KCNIP4: variants seen among roughly 807,000 people sequenced by gnomAD.
KCNIP4 encodes the protein Kv channel-interacting protein 4.
Under a neutral mutation model 34.0 loss-of-function variants are expected in KCNIP4, and 12 were observed. The ratio of observed to expected loss-of-function variants is 0.35; its 90% CI spans 0.23 to 0.57. The LOEUF is 0.57. Ranked by LOEUF, KCNIP4 falls within the 20% of genes least tolerant of loss-of-function variation. The pLI is 0.83. For missense variants in KCNIP4, 238 were observed against 311.7 expected (o/e 0.76, Z 1.78); for synonymous variants, 124 against 102.2 (o/e 1.21, Z -1.29).
At chr4:21,387,980 A>G (rs1722184186) in intron 1 of KCNIP4, among the ~76,000 whole-genome samples, 1 of 151,816 alleles carries the variant, frequency 6.6e-6, no homozygotes, top group South Asian at 2.1e-4. Context: ...GAATGAGTGG[A>G]GAGCAATAGA....
At chr4:21,422,221 A>T (rs1577335909) in intron 1 of KCNIP4, among the ~76,000 whole-genome samples, 1 of 144,786 alleles carries the variant, frequency 6.9e-6, no homozygotes, top group Admixed American at 7.1e-5. Context: ...TTTGAGACGG[A>T]GTCTCGCTTT....
At chr4:21,898,346 C>T (rs1727516936) in intron 1 of KCNIP4, among the ~76,000 whole-genome samples, 1 of 152,084 alleles carries the variant, frequency 6.6e-6, no homozygotes, top group Non-Finnish European at 1.5e-5. Context: ...TTCCCCAACC[C>T]CAGGCAGCAC....
chr4:20,882,754 A>T, intron 1 of KCNIP4, 45 bp from the exon 2 acceptor site: 1 of 1,457,144 alleles, frequency 6.9e-7, no homozygotes, highest in Non-Finnish European at 9.6e-7. Context: ...CTGCAGAGAG[A>T]AAAGGGACGT....
intron 1 of KCNIP4, among the ~76,000 whole-genome samples, chr4:21,779,306 G>A (rs1297019036): frequency 2.6e-5 from 4 of 151,952 alleles, no homozygotes; most frequent in African/African-American, 9.7e-5. Flanking sequence ...CATTTAAAAA[G>A]CATAAAAATA....
At chr4:21,516,367 A>G (rs936506915) in intron 1 of KCNIP4, among the ~76,000 whole-genome samples, 1 of 152,200 alleles carries the variant, frequency 6.6e-6, no homozygotes, top group African/African-American at 2.4e-5. Context: ...TCACATGTGC[A>G]TATCAAAGGG....
At chr4:21,243,831 A>G (rs533309260) in intron 1 of KCNIP4, among the ~76,000 whole-genome samples, 17 of 152,300 alleles carry the variant, frequency 1.1e-4, no homozygotes, top group East Asian at 3.9e-4. Context: ...TTGAGAGAGC[A>G]TATTGCATGC....
At position 20,734,618 on chromosome 4, in the gene KCNIP4, C is replaced by A; in HGVS notation, c.537+10G>T. The stretch of plus-strand genomic sequence containing the variant: ...CCAAATTACTGTGATGTTGGTGAGG[C>A]ATCCCTTACCTCTTTAGTGATGTAG... On this transcript the variant is annotated intron_variant, in intron 6 of 8. Transcript: ENST00000382152. The A allele has an allele frequency of 8.4e-7, 1 of 1,190,530 alleles. No individual in the cohort carries two copies. Among genetic ancestry groups the A allele is most frequent in the Non-Finnish European group, 1.2e-6 (1 of 847,046 alleles). 73.7% of individuals were successfully genotyped at this position (1,190,530 alleles called of 1,614,324 possible).
At chr4:21,064,172 G>T (rs982748756) in intron 1 of KCNIP4, among the ~76,000 whole-genome samples, 3 of 151,918 alleles carry the variant, frequency 2.0e-5, no homozygotes, top group African/African-American at 7.3e-5. Flanking sequence ...TCATATTACT[G>T]CTTTACACTT....
chr4:21,341,125 A>G (rs1716722231), intron 1 of KCNIP4, among the ~76,000 whole-genome samples: 1 of 152,146 alleles, frequency 6.6e-6, no homozygotes, highest in Non-Finnish European at 1.5e-5. Context: ...TGACAAGCCA[A>G]GGAACACTGA....
chr4:21,649,914 T>C (rs1053693318), intron 1 of KCNIP4, among the ~76,000 whole-genome samples: 1 of 152,200 alleles, frequency 6.6e-6, no homozygotes, highest in Non-Finnish European at 1.5e-5. Flanking sequence ...TCATATTTTA[T>C]CACAGGCAGG....
chr4:21,733,479 G>A (rs986272048), intron 1 of KCNIP4, among the ~76,000 whole-genome samples: 1 of 152,134 alleles, frequency 6.6e-6, no homozygotes. Context: ...AGTGCTCTGT[G>A]GAGCATATAT....
chr4:21,767,202 G>C (rs1383773985), intron 1 of KCNIP4, among the ~76,000 whole-genome samples: 1 of 152,104 alleles, frequency 6.6e-6, no homozygotes, highest in East Asian at 1.9e-4. Flanking sequence ...AACGAGCAAG[G>C]ACTAGTGATA....
chr4:21,494,066 C>T (rs1301448387), intron 1 of KCNIP4, among the ~76,000 whole-genome samples: 1 of 152,112 alleles, frequency 6.6e-6, no homozygotes, highest in Non-Finnish European at 1.5e-5. Flanking sequence ...GGATGAGTCC[C>T]CAATTTCAGG....
At chr4:21,567,001 T>C (rs1225287652) in intron 1 of KCNIP4, among the ~76,000 whole-genome samples, 2 of 152,156 alleles carry the variant, frequency 1.3e-5, no homozygotes, top group East Asian at 1.9e-4. Flanking sequence ...ACCTCATTTA[T>C]ATTACGGTAA....
chr4:21,137,886 T>G (rs917863552), intron 1 of KCNIP4, among the ~76,000 whole-genome samples: 8 of 148,072 alleles, frequency 5.4e-5, no homozygotes, highest in South Asian at 2.1e-4. Context: ...TTGTTTTTTT[T>G]TTTTTGATGG....
At chr4:21,547,601 T>C (rs1194793096) in intron 1 of KCNIP4, among the ~76,000 whole-genome samples, 1 of 152,054 alleles carries the variant, frequency 6.6e-6, no homozygotes, top group Non-Finnish European at 1.5e-5. Flanking sequence ...AAAGGGACCA[T>C]ATTACCCTAT....
intron 1 of KCNIP4, among the ~76,000 whole-genome samples, chr4:21,403,279 A>G (rs1441497435): frequency 1.3e-5 from 2 of 152,206 alleles, no homozygotes; most frequent in Non-Finnish European, 2.9e-5. Flanking sequence ...GTCCATATCC[A>G]CACCCATTGA....
chr4:20,840,336 C>A (rs1719568226), intron 3 of KCNIP4, among the ~76,000 whole-genome samples: 1 of 152,140 alleles, frequency 6.6e-6, no homozygotes, highest in African/African-American at 2.4e-5. Context: ...CATCCCCTAG[C>A]AAATCTTCAA....
chr4:20,974,212 C>T (rs910237713), intron 1 of KCNIP4, among the ~76,000 whole-genome samples: 1 of 152,126 alleles, frequency 6.6e-6, no homozygotes, highest in Non-Finnish European at 1.5e-5. Context: ...TAGCTCTGGA[C>T]ACCGTGAAAA....
Sources: gnomAD v4.1 joint callset for allele counts (sites outside exome capture counted in the v4.1 genomes callset) on GRCh38, gnomAD v4.1.1 for gene constraint, MANE v1.5 for transcripts, NCBI Gene and HGNC (gene_info 2026-07-23, HGNC 2026-07-21) for gene names.